Variants in ZMYM2 observed in about 807,000 individuals in gnomAD.
The protein encoded by ZMYM2 is zinc finger MYM-type containing 2.
In ZMYM2, 56 loss-of-function variants were observed where a neutral mutation model predicts 162.8. The ratio of observed to expected loss-of-function variants is 0.34; its 90% CI spans 0.28 to 0.43. The LOEUF (loss-of-function observed/expected upper bound fraction) is 0.43. Ranked by LOEUF, ZMYM2 falls within the 20% of genes least tolerant of loss-of-function variation. The probability of loss-of-function intolerance (pLI) is 1.00; values close to 1 mark genes in which losing one functional copy is unlikely to be tolerated. For synonymous variants in ZMYM2, 510 were observed against 541.6 expected (o/e 0.94, Z 0.81); for missense variants, 1,275 against 1,621.8 (o/e 0.79, Z 3.67).
At chr13:19,961,527 C>A (rs1311112887) in intron 2 of ZMYM2, among the ~76,000 whole-genome samples, 1 of 152,124 alleles carries the variant, frequency 6.6e-6, no homozygotes, top group African/African-American at 2.4e-5. Flanking sequence ...ATGGATGATG[C>A]TTATCGCCAC....
chr13:20,036,557 A>G (rs1189378789), intron 11 of ZMYM2, among the ~76,000 whole-genome samples, 180 bp from the exon 12 acceptor site: 1 of 152,198 alleles, frequency 6.6e-6, no homozygotes, highest in African/African-American at 2.4e-5. Flanking sequence ...GTTAGATAAT[A>G]TGTTATCTAA....
At chr13:19,954,126 A>ATTTTTTTTTTTGTTTTT (rs1954471851), upstream of ZMYM2, among the ~76,000 whole-genome samples, 1 of 64,880 alleles carries the variant, frequency 1.5e-5, no homozygotes, top group Non-Finnish European at 3.0e-5. Context: ...GCTATGTTTA[A>ATTTTTTTTTTTGTTTTT]TTTTTTTTTT....
chr13:19,883,033 A>C, the ZMYM2 span, among the ~76,000 whole-genome samples: 1,837 of 152,278 alleles, frequency 0.012, 38 homozygotes, highest in African/African-American at 0.04. Flanking sequence ...GGATAAACAA[A>C]ATGTGGTCTA....
At chr13:19,892,934 T>C in the ZMYM2 span, among the ~76,000 whole-genome samples, 6 of 151,214 alleles carry the variant, frequency 4.0e-5, no homozygotes, top group Non-Finnish European at 7.4e-5. Flanking sequence ...AGGCTGGTCT[T>C]GAACTCATGA....
chr13:20,008,897 A>G (rs1334040048), intron 6 of ZMYM2, among the ~76,000 whole-genome samples: 1 of 152,220 alleles, frequency 6.6e-6, no homozygotes, highest in Non-Finnish European at 1.5e-5. Context: ...AAACTGAAAC[A>G]GAAGAAAGGA....
the ZMYM2 span, among the ~76,000 whole-genome samples, chr13:19,872,568 A>C: frequency 6.6e-6 from 1 of 152,088 alleles, no homozygotes; most frequent in African/African-American, 2.4e-5. Flanking sequence ...AAAATAAAAA[A>C]GTGGACTTCA....
chr13:19,946,005 A>G, the ZMYM2 span, among the ~76,000 whole-genome samples: 1 of 150,630 alleles, frequency 6.6e-6, no homozygotes, highest in Non-Finnish European at 1.5e-5. Flanking sequence ...ATTTTAAATT[A>G]GTTCCCAAAT....
In ZMYM2 at chr13:20,088,866, A is replaced by G. The variant is rs1466485307; in HGVS notation, c.*2852A>G. ...GGTTATAGTATGAAGAAATCATAAAATTGCAAGTTTTGGTTTGCATTACTC... is the reference window on the plus strand; with the variant it reads ...GGTTATAGTATGAAGAAATCATAAAGTTGCAAGTTTTGGTTTGCATTACTC... On this transcript the variant is annotated 3_prime_UTR_variant, in exon 25 of 25. Transcript: ENST00000610343. The G allele has an allele frequency of 5.1e-6, 1 of 196,560 alleles. No homozygotes were observed. Among genetic ancestry groups the G allele is most frequent in the Non-Finnish European group, 1.1e-5 (1 of 94,558 alleles). 12.2% of individuals were successfully genotyped at this position (196,560 alleles called of 1,614,324 possible).
chr13:19,904,278 C>T, the ZMYM2 span, among the ~76,000 whole-genome samples: 1 of 152,090 alleles, frequency 6.6e-6, no homozygotes, highest in South Asian at 2.1e-4. Flanking sequence ...TACTGTTGGC[C>T]GGGCGTGGTG....
At chr13:19,926,369 T>A in the ZMYM2 span, among the ~76,000 whole-genome samples, 10 of 149,116 alleles carry the variant, frequency 6.7e-5, no homozygotes, top group South Asian at 4.2e-4. Flanking sequence ...TATTTTTTTT[T>A]TTTTTTTTTT....
chr13:20,034,501 G>A, intron 11 of ZMYM2, 97 bp downstream of exon 11: 1 of 1,203,100 alleles, frequency 8.3e-7, no homozygotes, highest in Non-Finnish European at 1.1e-6. Flanking sequence ...TTTTAATGTA[G>A]CTGAACAAAA....
chr13:20,017,051 C>A (rs1376273326), intron 6 of ZMYM2, among the ~76,000 whole-genome samples: 1 of 152,202 alleles, frequency 6.6e-6, no homozygotes, highest in Non-Finnish European at 1.5e-5. Context: ...GGTTCTGTTA[C>A]ATCAGTCTTG....
chr13:19,885,647 C>T, the ZMYM2 span, among the ~76,000 whole-genome samples: 2 of 151,906 alleles, frequency 1.3e-5, no homozygotes, highest in African/African-American at 4.8e-5. Context: ...CGAAAGAGTC[C>T]TGGTCAACAT....
At chr13:20,003,174 T>A in intron 4 of ZMYM2, 39 bp downstream of exon 4, 2 of 1,561,876 alleles carry the variant, frequency 1.3e-6, no homozygotes, top group African/African-American at 2.8e-5. Flanking sequence ...TATAGTTGAA[T>A]TTTGGAGTTG....
At chr13:19,919,045 G>C in the ZMYM2 span, among the ~76,000 whole-genome samples, 1 of 151,610 alleles carries the variant, frequency 6.6e-6, no homozygotes, top group African/African-American at 2.4e-5. Context: ...CCTAATTCTT[G>C]GCAAATCTGT....
chr13:19,916,786 A>C, the ZMYM2 span, among the ~76,000 whole-genome samples: 1 of 152,124 alleles, frequency 6.6e-6, no homozygotes, highest in Non-Finnish European at 1.5e-5. Flanking sequence ...GGGTGCGGCA[A>C]ACCAACAGGG....
the ZMYM2 span, among the ~76,000 whole-genome samples, chr13:19,908,212 C>T: frequency 6.6e-6 from 1 of 152,060 alleles, no homozygotes; most frequent in African/African-American, 2.4e-5. Flanking sequence ...CTCTTGAACC[C>T]AGGAAGCGGA....
At chr13:20,021,371 T>C (rs1389056929) in intron 7 of ZMYM2, among the ~76,000 whole-genome samples, 8 of 150,622 alleles carry the variant, frequency 5.3e-5, no homozygotes, top group Non-Finnish European at 1.2e-4. Flanking sequence ...TTCCTGCTTT[T>C]TTTTTTTTTT....
At chr13:19,954,760 T>C (rs1954477643), upstream of ZMYM2, among the ~76,000 whole-genome samples, 1 of 152,118 alleles carries the variant, frequency 6.6e-6, no homozygotes, top group South Asian at 2.1e-4. Flanking sequence ...TCAGTCTTTG[T>C]TCCTTCTTTC....
Sources: allele counts gnomAD v4.1 joint callset (sites outside exome capture counted in the v4.1 genomes callset), GRCh38; gene constraint gnomAD v4.1.1; transcripts MANE v1.5; gene names NCBI Gene and HGNC (gene_info 2026-07-23, HGNC 2026-07-21).